The following SNX8 variants were observed in gnomAD, a reference collection of about 807,000 sequenced individuals.
SNX8 encodes sorting nexin-8.
In SNX8, 25 loss-of-function variants were observed where a neutral mutation model predicts 51.6. The ratio of observed to expected loss-of-function variants is 0.48; its 90% CI spans 0.35 to 0.68. The LOEUF (loss-of-function observed/expected upper bound fraction) is 0.68. SNX8 is among the 30% of genes least tolerant of loss of function. The probability of loss-of-function intolerance (pLI) is 0.00; values close to 1 mark genes in which losing one functional copy is unlikely to be tolerated. For missense variants in SNX8, 695 were observed against 624.0 expected, an observed-to-expected ratio of 1.11 and a Z score of -1.21; for synonymous variants, 324 against 277.0, an observed-to-expected ratio of 1.17 and a Z score of -1.68.
At chr7:2,349,397 A>G (rs144511835) in intron 1 of SNX8, among the ~76,000 whole-genome samples, 2 of 151,412 alleles carry the variant, frequency 1.3e-5, no homozygotes, top group Admixed American at 1.3e-4. Flanking sequence ...TAAATTTGTT[A>G]TATTTTTAGT....
At chr7:2,312,203 G>C (rs1470666992) in intron 1 of SNX8, among the ~76,000 whole-genome samples, 3 of 152,068 alleles carry the variant, frequency 2.0e-5, no homozygotes, top group East Asian at 3.9e-4. Flanking sequence ...AAGGGAGGGC[G>C]GTCTCCCAGA....
At chr7:2,267,687 C>G (rs1234921065) in intron 5 of SNX8, among the ~76,000 whole-genome samples, 1 of 149,414 alleles carries the variant, frequency 6.7e-6, no homozygotes, top group African/African-American at 2.5e-5. Flanking sequence ...AGCCGCCTGC[C>G]TTGGCCTCCC....
Position 2,275,198 on chromosome 7 carries a change from T to C in SNX8, c.332A>G (p.Asn111Ser), listed in dbSNP as rs776781051. ...RFKSSVYRRY[N>S]DFVVFQEMLL... Reference sequence around the variant, plus strand: ...CATCTCCTGGAAGACCACGAAGTCATTGTACCGTCTGTATACCGAGGACTT... The same window carrying C: ...CATCTCCTGGAAGACCACGAAGTCACTGTACCGTCTGTATACCGAGGACTT... Residue 111 changes from asparagine to serine, a missense_variant, in exon 3 of 11, where the codon AAT becomes AGT. Asn to Ser is a conservative substitution (Grantham distance 46). Coordinates refer to ENST00000222990, the MANE Select transcript of SNX8 (RefSeq NM_013321.4). 2.9e-5 allele frequency: 47 copies of C among 1,613,962 alleles called. No individual in the cohort carries two copies. The highest frequency in any genetic ancestry group is 2.0e-4 in the East Asian group (9 of 44,884).
chr7:2,284,326 G>C (rs116299991), intron 1 of SNX8, among the ~76,000 whole-genome samples: 47 of 151,344 alleles, frequency 3.1e-4, no homozygotes, highest in African/African-American at 8.3e-4. Flanking sequence ...GAAGGAATTC[G>C]ATCCCTTGTC....
At chr7:2,344,905 G>T (rs1778993374) in intron 1 of SNX8, among the ~76,000 whole-genome samples, 1 of 152,148 alleles carries the variant, frequency 6.6e-6, no homozygotes. Context: ...TTTTCTGCTT[G>T]AATCAGACAT....
chr7:2,291,143 A>C (rs1472639703), intron 1 of SNX8, among the ~76,000 whole-genome samples: 2 of 151,840 alleles, frequency 1.3e-5, no homozygotes, highest in Non-Finnish European at 2.9e-5. Flanking sequence ...CAAAAAAAAG[A>C]AAAAAAACCA....
chr7:2,328,207 A>G (rs1583115333), intron 1 of SNX8, among the ~76,000 whole-genome samples: 1 of 152,000 alleles, frequency 6.6e-6, no homozygotes, highest in Non-Finnish European at 1.5e-5. Flanking sequence ...ACGTGTCACC[A>G]CGCCTGGCTA....
chr7:2,267,411 G>A (rs369444888), intron 5 of SNX8, among the ~76,000 whole-genome samples: 42,210 of 129,812 alleles, frequency 0.33, 7,764 homozygotes, highest in East Asian at 0.57. Context: ...TCGGCTCACT[G>A]CAACCTCCCT....
At chr7:2,295,959 G>T (rs1316170636) in intron 1 of SNX8, among the ~76,000 whole-genome samples, 9 of 152,120 alleles carry the variant, frequency 5.9e-5, no homozygotes, top group Non-Finnish European at 7.3e-5. Context: ...TTTATACCAG[G>T]ATCATGCTAT....
rs1168122413 is a variant in SNX8, at chr7:2,280,477, C to CA, written c.95-2173dup. On this transcript the variant is annotated intron_variant, in intron 1 of 10. Transcript: ENST00000222990. ...AGCCTGGGCAACAGAGACTCTGTCT[C>CA]AAAAAAAAAAAAAAGTTTAAAATAA... is the stretch of plus-strand genomic sequence containing the variant. Among the ~76,000 whole-genome samples, 330 of 120,178 alleles carry CA rather than the reference C, an allele frequency of 2.7e-3. No homozygotes were observed. In the Middle Eastern group the frequency reaches 0.034, roughly 12 times the overall value. 78.8% of individuals were successfully genotyped at this position (120,178 alleles called of 152,430 possible).
At chr7:2,351,490 G>A (rs1012267204) in intron 1 of SNX8, among the ~76,000 whole-genome samples, 4 of 151,858 alleles carry the variant, frequency 2.6e-5, no homozygotes, top group Non-Finnish European at 5.9e-5. Flanking sequence ...AGTGAGGTGC[G>A]ACGGCACCAC....
At chr7:2,294,681 G>A (rs1239760201) in intron 1 of SNX8, among the ~76,000 whole-genome samples, 4 of 152,236 alleles carry the variant, frequency 2.6e-5, no homozygotes, top group Admixed American at 1.3e-4. Context: ...AGCTGGAGCC[G>A]CAGGTCTGTC....
At chr7:2,269,665 A>T (rs749031975) in intron 4 of SNX8, 26 bp from the exon 5 acceptor site, 3 of 1,512,042 alleles carry the variant, frequency 2.0e-6, no homozygotes, top group Non-Finnish European at 2.7e-6. Context: ...ACACAGCTTC[A>T]CCCTCTTCTA....
intron 1 of SNX8, among the ~76,000 whole-genome samples, chr7:2,345,533 C>A (rs1181013319): frequency 2.0e-5 from 3 of 151,796 alleles, no homozygotes; most frequent in Non-Finnish European, 4.4e-5. Flanking sequence ...ACAAAATTAG[C>A]CGGGCCTGCT....
intron 1 of SNX8, among the ~76,000 whole-genome samples, chr7:2,292,624 G>A (rs1796176782): frequency 6.6e-6 from 1 of 151,960 alleles, no homozygotes; most frequent in African/African-American, 2.4e-5. Flanking sequence ...TGTTGGCCAG[G>A]ATGGTCTCAA....
Position 2,331,208 on chromosome 7 carries a change from G to C in SNX8, c.-66+23014C>G, listed in dbSNP as rs982294532. On this transcript the variant is annotated intron_variant, in intron 1 of 5. Transcript: ENST00000435336. ...TCAAAAAAAAAAAAAAAAAAAGAAA[G>C]AAAGAAAAGAAAAGAAAATTAATTC... 1.7e-4 allele frequency among the ~76,000 whole-genome samples: 23 copies of C among 135,154 alleles called. No individual in the cohort carries two copies. The East Asian group carries it at 2.9e-3, about 17-fold the overall frequency. 88.7% of individuals were successfully genotyped at this position (135,154 alleles called of 152,430 possible). A position where few individuals can be genotyped will look rare whatever the true frequency, so the allele number is the denominator to read the frequency against.
intron 1 of SNX8, among the ~76,000 whole-genome samples, chr7:2,294,689 G>C (rs1455338092): frequency 6.6e-6 from 1 of 152,194 alleles, no homozygotes; most frequent in Non-Finnish European, 1.5e-5. Flanking sequence ...CCGCAGGTCT[G>C]TCTGTGACCA....
chr7:2,335,832 T>G (rs1016032832), intron 1 of SNX8, among the ~76,000 whole-genome samples: 1 of 145,830 alleles, frequency 6.9e-6, no homozygotes, highest in Non-Finnish European at 1.5e-5. Context: ...AAAAAAATTC[T>G]ACAGTAGGCA....
At chr7:2,315,645 C>G (rs1796741368), upstream of SNX8, among the ~76,000 whole-genome samples, 1 of 151,452 alleles carries the variant, frequency 6.6e-6, no homozygotes, top group East Asian at 1.9e-4. Context: ...CACCCACTCA[C>G]GCACTGCATC....
Sources: allele counts gnomAD v4.1 joint callset (sites outside exome capture counted in the v4.1 genomes callset), GRCh38; gene constraint gnomAD v4.1.1; transcripts MANE v1.5; gene names NCBI Gene and HGNC (gene_info 2026-07-23, HGNC 2026-07-21).